Variants in ENDOD1 observed in about 807,000 individuals in gnomAD.
ENDOD1 encodes endonuclease domain-containing 1 protein.
Under a neutral mutation model 6.5 loss-of-function variants are expected in ENDOD1, and 9 were observed. That is an observed-to-expected ratio of 1.39 (90% CI 0.84 to 2.43). ENDOD1 has a LOEUF of 2.43. Ranked by LOEUF, ENDOD1 falls within the 30% of genes most tolerant of loss-of-function variation. The pLI is 0.00. For synonymous variants in ENDOD1, 255 were observed against 255.2 expected (o/e 1.00, Z 0.01); for missense variants, 648 against 635.5 (o/e 1.02, Z -0.21).
Position 95,126,930 on chromosome 11 carries a change from C to T in ENDOD1, c.301-1447C>T, listed in dbSNP as rs545249471. ...CAAATGCCTGAGTTTAGGTGATCCA[C>T]CTGCCTCGGCCTCTCAAAGTGCTGG... On this transcript the variant is annotated intron_variant, in intron 1 of 1. Coordinates refer to ENST00000278505, the MANE Select transcript of ENDOD1 (RefSeq NM_015036.3). Among the ~76,000 whole-genome samples, 3 of 152,292 alleles carry T rather than the reference C, an allele frequency of 2.0e-5. No individual in the cohort carries two copies. The East Asian group carries it at 5.8e-4, about 29-fold the overall frequency.
At chr11:95,094,937 G>C (rs1858968478) in intron 1 of ENDOD1, among the ~76,000 whole-genome samples, 1 of 152,184 alleles carries the variant, frequency 6.6e-6, no homozygotes. Flanking sequence ...AAATAAACAA[G>C]ATAACACATG....
At chr11:95,117,267 G>C (rs782166885) in intron 1 of ENDOD1, among the ~76,000 whole-genome samples, 1 of 152,214 alleles carries the variant, frequency 6.6e-6, no homozygotes, top group African/African-American at 2.4e-5. Flanking sequence ...AAATTAGCCA[G>C]GTGTGGTGGC....
chr11:95,128,983 A>G lies in ENDOD1; in HGVS notation c.907A>G (p.Ser303Gly), dbSNP rs1859341319. The G allele has an allele frequency of 6.2e-7, 1 of 1,614,078 alleles. No individual in the cohort carries two copies. The highest frequency in any genetic ancestry group is 1.1e-5 in the South Asian group (1 of 91,076). Residue 303 changes from serine (S) to glycine (G), a missense_variant, in exon 2 of 2, where the codon AGT (serine) becomes GGT (glycine). Transcript: ENST00000278505. ...AATGGTACAATCTCAAAAGAGTTCT[A>G]GTCCCCTTTCTAGCACCAGGAGCAA... ...ERMVQSQKSS[S>G]PLSSTRSKRS... is the part of the protein sequence containing the mutation.
chr11:95,104,066 C>T (rs957230684), intron 1 of ENDOD1, among the ~76,000 whole-genome samples: 7 of 152,176 alleles, frequency 4.6e-5, no homozygotes, highest in Non-Finnish European at 1.0e-4. Context: ...ATTGTTACCC[C>T]TCTTCTCTTT....
In ENDOD1 at chr11:95,128,739, G is replaced by A. The variant is rs747850606; in HGVS notation, c.663G>A (p.Leu221=). 1.9e-6 allele frequency: 3 copies of A among 1,614,198 alleles called. No homozygotes were observed. Among genetic ancestry groups the A allele is most frequent in the East Asian group, 4.5e-5 (2 of 44,878 alleles). ...TGGCAGTCCCTGAGTTTGTTTGGCT[G>A]GCAGCCTGTTGTGCTGTCCCTGGAG... ...DKVAVPEFVW[L]AACCAVPGGG... The change falls in exon 2 of 2, where the codon CTG becomes CTA. Residue 221 remains leucine (L), a synonymous_variant. Transcript: ENST00000278505.
At chr11:95,114,115 CATTG>C (rs1366185188) in intron 1 of ENDOD1, among the ~76,000 whole-genome samples, 7 of 152,038 alleles carry the variant, frequency 4.6e-5, no homozygotes, top group Admixed American at 3.9e-4. Flanking sequence ...TTTTATGTTT[CATTG>C]ATTGATCAAT....
chr11:95,130,068 C>T lies in ENDOD1; in HGVS notation c.*489C>T, dbSNP rs1859356408. On this transcript the variant is annotated 3_prime_UTR_variant, in exon 2 of 2. Transcript: ENST00000278505. ...TTGCTTCTCTTTCTCCTCAACTCGA[C>T]TGACCTTGGTGGAATGCAGATAATG... The T allele has an allele frequency of 6.5e-6, 1 of 153,814 alleles. No homozygotes were observed. The highest frequency in any genetic ancestry group is 2.4e-5 in the African/African-American group (1 of 41,560). The allele number at this position is 153,814 out of a possible 1,614,324, so 9.5% of individuals were successfully genotyped here. A position where few individuals can be genotyped will look rare whatever the true frequency, so the allele number is the denominator to read the frequency against.
intron 1 of ENDOD1, among the ~76,000 whole-genome samples, chr11:95,114,884 T>G (rs1474113180): frequency 6.6e-6 from 1 of 152,212 alleles, no homozygotes; most frequent in Non-Finnish European, 1.5e-5. Context: ...ACATGCTGTT[T>G]AGGTTACTAT....
chr11:95,092,905 A>C (rs1238771733), intron 1 of ENDOD1, among the ~76,000 whole-genome samples: 1 of 152,160 alleles, frequency 6.6e-6, no homozygotes, highest in Non-Finnish European at 1.5e-5. Flanking sequence ...TCACCTTTTT[A>C]TGAGGTCAGT....
At position 95,110,460 on chromosome 11, in the gene ENDOD1, T is replaced by A. The variant is rs1591015026; in HGVS notation, c.301-17917T>A. 2.0e-5 allele frequency among the ~76,000 whole-genome samples: 3 copies of A among 152,316 alleles called. No homozygotes were observed. The East Asian group carries it at 5.8e-4, about 29-fold the overall frequency. ...AAGGAGTACAAGAGATGATCCCAAC[T>A]TTTGAGGAGCCTACAGTCTGTAAAA... On this transcript the variant is annotated intron_variant, in intron 1 of 1. Transcript: ENST00000278505.
intron 1 of ENDOD1, among the ~76,000 whole-genome samples, chr11:95,114,800 C>T (rs1295601758): frequency 2.0e-5 from 3 of 152,156 alleles, no homozygotes; most frequent in Non-Finnish European, 2.9e-5. Context: ...AATGAGTTCA[C>T]TGTAGGCGTG....
At chr11:95,126,441 T>C (rs559590642) in intron 1 of ENDOD1, among the ~76,000 whole-genome samples, 2 of 152,236 alleles carry the variant, frequency 1.3e-5, no homozygotes, top group South Asian at 4.1e-4. Flanking sequence ...ATATTATGGG[T>C]TGATGTGGGT....
At chr11:95,118,293 T>A (rs1431957586) in intron 1 of ENDOD1, among the ~76,000 whole-genome samples, 2 of 152,240 alleles carry the variant, frequency 1.3e-5, no homozygotes, top group Non-Finnish European at 2.9e-5. Flanking sequence ...CTCATTAACA[T>A]CCTTTTCTTT....
At chr11:95,101,967 C>T (rs1859045013) in intron 1 of ENDOD1, among the ~76,000 whole-genome samples, 1 of 151,762 alleles carries the variant, frequency 6.6e-6, no homozygotes, top group African/African-American at 2.4e-5. Flanking sequence ...TTCAGTTGTC[C>T]AGCTACATTG....
At chr11:95,115,983 C>CA (rs1389824930) in intron 1 of ENDOD1, among the ~76,000 whole-genome samples, 6 of 152,076 alleles carry the variant, frequency 3.9e-5, no homozygotes, top group African/African-American at 1.4e-4. Flanking sequence ...GTTTTGGTAT[C>CA]AGAGTAATAC....
intron 1 of ENDOD1, among the ~76,000 whole-genome samples, chr11:95,116,915 T>G (rs1329141440): frequency 3.3e-5 from 5 of 152,224 alleles, no homozygotes; most frequent in African/African-American, 4.8e-5. Context: ...ACATGGTGTA[T>G]CCTTAAGAAT....
intron 1 of ENDOD1, among the ~76,000 whole-genome samples, chr11:95,112,056 C>T (rs1210036612): frequency 6.6e-6 from 1 of 152,156 alleles, no homozygotes; most frequent in African/African-American, 2.4e-5. Flanking sequence ...TTCCTGAGCC[C>T]TCTGTCGCTA....
intron 1 of ENDOD1, among the ~76,000 whole-genome samples, chr11:95,119,403 C>G (rs1859241260): frequency 6.6e-6 from 1 of 152,250 alleles, no homozygotes; most frequent in Admixed American, 6.5e-5. Flanking sequence ...CACTGTGGTT[C>G]TTGCAGACTC....
chr11:95,105,644 C>T (rs1859082338), intron 1 of ENDOD1, among the ~76,000 whole-genome samples: 1 of 152,158 alleles, frequency 6.6e-6, no homozygotes, highest in African/African-American at 2.4e-5. Flanking sequence ...TTGTTCAGCT[C>T]CTACTTATAA....
Sources: gnomAD v4.1 joint callset for allele counts (sites outside exome capture counted in the v4.1 genomes callset) on GRCh38, gnomAD v4.1.1 for gene constraint, MANE v1.5 for transcripts, NCBI Gene and HGNC (gene_info 2026-07-23, HGNC 2026-07-21) for gene names.